Variants in SAFB2 observed in about 807,000 individuals in gnomAD.
The protein encoded by SAFB2 is scaffold attachment factor B2.
In SAFB2, 32 loss-of-function variants were observed where a neutral mutation model predicts 100.6. That is an observed-to-expected ratio of 0.32 (90% CI 0.24 to 0.43). The LOEUF (loss-of-function observed/expected upper bound fraction) is 0.43, where lower values mean the gene tolerates loss of function less well. Ranked by LOEUF, SAFB2 falls within the 20% of genes least tolerant of loss-of-function variation. SAFB2 has a pLI of 1.00. For missense variants in SAFB2, 1,185 were observed against 1,163.4 expected, an observed-to-expected ratio of 1.02 and a Z score of -0.27; for synonymous variants, 500 against 439.4, an observed-to-expected ratio of 1.14 and a Z score of -1.72.
chr19:5,597,449 GA>G lies in SAFB2; in HGVS notation c.1782+1343del, dbSNP rs1342808299. ...TAAAAAATATATGTAAAAGCGAAAA[GA>G]AAAAAAAGCAAAAAGGAAAAAAGCC... On this transcript the variant is annotated intron_variant, in intron 13 of 20. Coordinates refer to ENST00000252542, the MANE Select transcript of SAFB2 (RefSeq NM_014649.3). 2.0e-5 allele frequency among the ~76,000 whole-genome samples: 3 copies of G among 151,316 alleles called. No homozygotes were observed. In the East Asian group the frequency reaches 5.8e-4, roughly 29 times the overall value.
At chr19:5,616,647 T>C (rs1048914438) in intron 2 of SAFB2, among the ~76,000 whole-genome samples, 161 bp from the exon 3 acceptor site, 4 of 126,406 alleles carry the variant, frequency 3.2e-5, no homozygotes, top group East Asian at 2.3e-4. Flanking sequence ...TGTTTTCTTT[T>C]TTTTTTTTTT....
Position 5,595,479 on chromosome 19 carries a change from G to A in SAFB2, c.1801C>T (p.Arg601Cys), listed in dbSNP as rs1003038265. The A allele has an allele frequency of 1.3e-5, 21 of 1,613,662 alleles. No homozygotes were observed. The highest frequency in any genetic ancestry group is 4.0e-5 in the African/African-American group (3 of 74,912). ...SKERSSKSQD[R>C]KSESKEKRDI... Reference sequence around the variant, plus strand: ...CTCTTTTCTTTGCTTTCTGACTTGCGATCCTGACTCTTGGAGCTCTGTTTA... The same window carrying A: ...CTCTTTTCTTTGCTTTCTGACTTGCAATCCTGACTCTTGGAGCTCTGTTTA... Residue 601 changes from arginine (R) to cysteine (C), a missense_variant, in exon 14 of 21, where the codon CGC becomes TGC. Coordinates refer to ENST00000252542, the MANE Select transcript of SAFB2 (RefSeq NM_014649.3).
At position 5,587,120 on chromosome 19, in the gene SAFB2, T is replaced by C; in HGVS notation, c.*123A>G. The C allele has an allele frequency of 7.7e-7, 1 of 1,301,072 alleles. No individual in the cohort carries two copies. Among genetic ancestry groups the C allele is most frequent in the Non-Finnish European group, 1.1e-6 (1 of 939,948 alleles). The allele number at this position is 1,301,072 out of a possible 1,614,324, so 80.6% of individuals were successfully genotyped here. On this transcript the variant is annotated 3_prime_UTR_variant, in exon 21 of 21. Coordinates refer to ENST00000252542, the MANE Select transcript of SAFB2 (RefSeq NM_014649.3). The surrounding 1 kb of genome is among the most constrained non-coding windows in gnomAD (Gnocchi z 4.9). Reference sequence around the variant, plus strand: ...AAAAAAAAAGTGAGTTCACATTGTATTGAGCTACAACATGGTGGCAGGATT... The same window carrying C: ...AAAAAAAAAGTGAGTTCACATTGTACTGAGCTACAACATGGTGGCAGGATT...
At chr19:5,615,972 GC>G in intron 4 of SAFB2, 159 bp downstream of exon 4, 1 of 640,480 alleles carries the variant, frequency 1.6e-6, no homozygotes, top group Non-Finnish European at 2.7e-6. Context: ...AAATCCCTGA[GC>G]TACACAGCGT....
At chr19:5,609,300 CTTTTTTTTT>C (rs751534976) in intron 9 of SAFB2, among the ~76,000 whole-genome samples, 1 of 118,880 alleles carries the variant, frequency 8.4e-6, no homozygotes. Flanking sequence ...TCACTTCATT[CTTTTTTTTT>C]TTTTTTTTTT....
intron 2 of SAFB2, among the ~76,000 whole-genome samples, chr19:5,618,446 A>T (rs1289780819): frequency 2.0e-5 from 3 of 152,154 alleles, no homozygotes; most frequent in African/African-American, 4.8e-5. Flanking sequence ...ATCAATAATC[A>T]CTCAAGAAAT....
Position 5,601,439 on chromosome 19 carries a change from G to A in SAFB2, c.1560-1179C>T, listed in dbSNP as rs1006790441. 5.3e-5 allele frequency among the ~76,000 whole-genome samples: 8 copies of A among 152,080 alleles called. No homozygotes were observed. In the South Asian group the frequency reaches 1.7e-3, roughly 31 times the overall value. ...AAAGAAGGGTTTTTAGGCTGGTCGC[G>A]GTGGCTCATGCCTGTAATCCCAGCA... On this transcript the variant is annotated intron_variant, in intron 11 of 20. Transcript: ENST00000252542.
chr19:5,598,992 C>T, intron 12 of SAFB2, 108 bp from the exon 13 acceptor site: 1 of 921,356 alleles, frequency 1.1e-6, no homozygotes, highest in African/African-American at 1.6e-5. Flanking sequence ...AGGCGTGAGT[C>T]AAGTGACTGA....
At chr19:5,614,023 G>A (rs144480410) in intron 4 of SAFB2, among the ~76,000 whole-genome samples, 1,873 of 152,206 alleles carry the variant, frequency 0.012, 34 homozygotes, top group African/African-American at 0.043. Context: ...GCGCCATCTC[G>A]GCTCATTGCA....
intron 8 of SAFB2, 157 bp from the exon 9 acceptor site, chr19:5,610,252 G>A: frequency 1.6e-6 from 1 of 633,368 alleles, no homozygotes; most frequent in South Asian, 1.9e-5. Flanking sequence ...CACACAGAAG[G>A]CTGAAAATCT....
At position 5,587,459 on chromosome 19, in the gene SAFB2, A is replaced by G. The variant is rs1419067164; in HGVS notation, c.2706-60T>C. ...AAGTGCTCAGCGTTTTCATCGTAAC[A>G]TGGGTTCAGTAACGGTCCCGCAGCC... On this transcript the variant is annotated intron_variant, in intron 20 of 20. Coordinates refer to ENST00000252542, the MANE Select transcript of SAFB2 (RefSeq NM_014649.3). This position sits in a 1 kb window ranked among gnomAD's most constrained non-coding sequence, Gnocchi z 4.9. 1.1e-5 allele frequency: 17 copies of G among 1,549,164 alleles called. No individual in the cohort carries two copies. The highest frequency in any genetic ancestry group is 7.1e-5 in the South Asian group (6 of 84,350).
chr19:5,615,151 G>A (rs1275463451), intron 4 of SAFB2, among the ~76,000 whole-genome samples: 1 of 152,070 alleles, frequency 6.6e-6, no homozygotes, highest in East Asian at 1.9e-4. Context: ...TCAGGAGATG[G>A]AGACCATCAT....
chr19:5,611,205 T>G lies in SAFB2; in HGVS notation c.1060A>C (p.Arg354=). 1 of 443,298 alleles carries G rather than the reference T, an allele frequency of 2.3e-6. No individual in the cohort carries two copies. The highest frequency in any genetic ancestry group is 3.7e-6 in the Non-Finnish European group (1 of 270,942). The allele number at this position is 443,298 out of a possible 1,614,324, so 27.5% of individuals were successfully genotyped here. A position where few individuals can be genotyped will look rare whatever the true frequency, so the allele number is the denominator to read the frequency against. ...PEARDSKEDG[R]KFDFDACNEV... ...TTACAAGCGTCAAAATCAAACTTCC[T>G]CCCGTCTTCTTTGCTATCTCTGGCT... Residue 354 remains arginine (R), a synonymous_variant, in exon 7 of 21, where the codon AGG becomes CGG. Transcript: ENST00000252542.
chr19:5,612,689 TCTCCAAA>T (rs2052934644), intron 5 of SAFB2, 122 bp from the exon 6 acceptor site: 11 of 759,024 alleles, frequency 1.4e-5, no homozygotes, highest in Non-Finnish European at 2.4e-5. Context: ...AACTTTCTTG[TCTCCAAA>T]AAATGTATTC....
chr19:5,622,716 C>T lies in SAFB2; in HGVS notation c.-1G>A, dbSNP rs754248147. The T allele has an allele frequency of 1.3e-5, 20 of 1,598,448 alleles. No individual in the cohort carries two copies. The highest frequency in any genetic ancestry group is 1.7e-5 in the Admixed American group (1 of 59,494). On this transcript the variant is annotated 5_prime_UTR_variant, in exon 1 of 21. Transcript: ENST00000252542. ...CCGACCCGGGCAGAGTCTCCGCCATCGTCGCGTTCCCGTCTTCGCCACCGA... is the reference window on the plus strand; with the variant it reads ...CCGACCCGGGCAGAGTCTCCGCCATTGTCGCGTTCCCGTCTTCGCCACCGA...
chr19:5,592,624 A>C, intron 16 of SAFB2, 123 bp downstream of exon 16: 1 of 1,087,368 alleles, frequency 9.2e-7, no homozygotes, highest in South Asian at 1.5e-5. Context: ...TCCACTGTGG[A>C]TCTCAGAAGT....
intron 11 of SAFB2, among the ~76,000 whole-genome samples, chr19:5,602,197 G>A (rs1234387580): frequency 2.0e-5 from 3 of 152,088 alleles, no homozygotes; most frequent in East Asian, 1.9e-4. Context: ...TCTTAAGTTC[G>A]CCGGGCGCGA....
intron 14 of SAFB2, among the ~76,000 whole-genome samples, chr19:5,595,145 G>A (rs2052508389): frequency 6.6e-6 from 1 of 152,170 alleles, no homozygotes. Context: ...CACTGCACCT[G>A]GCCCTTTGAT....
At chr19:5,609,078 C>G (rs996570681) in intron 9 of SAFB2, among the ~76,000 whole-genome samples, 2 of 127,898 alleles carry the variant, frequency 1.6e-5, no homozygotes, top group African/African-American at 5.8e-5. Flanking sequence ...AAAAAAAGAA[C>G]AACAAACAAA....
Sources: gnomAD v4.1 joint callset for allele counts (sites outside exome capture counted in the v4.1 genomes callset) on GRCh38, gnomAD v4.1.1 for gene constraint, Gnocchi (gnomAD v3.1) non-coding constraint, MANE v1.5 for transcripts, NCBI Gene and HGNC (gene_info 2026-07-23, HGNC 2026-07-21) for gene names.